The following BCKDHB variants were observed in gnomAD, a reference collection of about 807,000 sequenced individuals.
BCKDHB encodes branched chain keto acid dehydrogenase E1 subunit beta, also known as 2-oxoisovalerate dehydrogenase subunit beta, mitochondrial.
A neutral mutation model predicts 48.5 loss-of-function variants in BCKDHB; 41 were observed. The observed-to-expected ratio is 0.85, with a 90% CI of 0.66 to 1.10. The LOEUF is 1.10. Ranked by LOEUF, BCKDHB falls within the 50% of genes least tolerant of loss-of-function variation. BCKDHB has a pLI of 0.00. For missense variants in BCKDHB, 496 were observed against 494.2 expected (o/e 1.00, Z -0.03); for synonymous variants, 201 against 174.8 (o/e 1.15, Z -1.18).
intron 3 of BCKDHB, among the ~76,000 whole-genome samples, chr6:80,157,789 A>G (rs184280825): frequency 2.0e-5 from 3 of 152,008 alleles, no homozygotes; most frequent in East Asian, 3.9e-4. Context: ...AAGAATCTTT[A>G]TATTTGGGTG....
At chr6:80,139,329 T>TG (rs1343217267) in intron 3 of BCKDHB, among the ~76,000 whole-genome samples, 12 of 152,076 alleles carry the variant, frequency 7.9e-5, no homozygotes, top group Non-Finnish European at 1.5e-5. Flanking sequence ...TTGTCAATTT[T>TG]GTCTTTTGTT....
intron 9 of BCKDHB, among the ~76,000 whole-genome samples, chr6:80,336,638 C>A (rs542294971): frequency 3.4e-4 from 52 of 151,630 alleles, no homozygotes; most frequent in Non-Finnish European, 7.1e-4. Flanking sequence ...TTAATTTAGT[C>A]AAGATTATGA....
the BCKDHB span, among the ~76,000 whole-genome samples, chr6:80,453,545 C>T: frequency 6.6e-6 from 1 of 152,142 alleles, no homozygotes; most frequent in Non-Finnish European, 1.5e-5. Context: ...AAATATAGAA[C>T]AATTTTGTTG....
At chr6:80,406,531 T>C in the BCKDHB span, among the ~76,000 whole-genome samples, 3 of 152,220 alleles carry the variant, frequency 2.0e-5, no homozygotes, top group Admixed American at 2.0e-4. Context: ...TTTTCTAACT[T>C]TTTAGTGATC....
rs920895806 is a variant in BCKDHB, at chr6:80,186,680, A to G, written c.743-14254A>G. 7.2e-5 allele frequency among the ~76,000 whole-genome samples: 11 copies of G among 152,254 alleles called. No homozygotes were observed. In the South Asian group the frequency reaches 1.2e-3, roughly 17 times the overall value. On this transcript the variant is annotated intron_variant, in intron 6 of 9. Coordinates refer to ENST00000320393, the MANE Select transcript of BCKDHB (RefSeq NM_183050.4). Reference sequence around the variant, plus strand: ...TTCAGCTAGAAGCTTCTTTCATCCTATGGCCCCTCCCTAATTCCACTGGCT... The same window carrying G: ...TTCAGCTAGAAGCTTCTTTCATCCTGTGGCCCCTCCCTAATTCCACTGGCT...
chr6:80,428,714 GTTGT>G, the BCKDHB span, among the ~76,000 whole-genome samples: 41 of 152,244 alleles, frequency 2.7e-4, no homozygotes, highest in East Asian at 9.6e-4. Context: ...TTTTGATGGG[GTTGT>G]TTGTTTTTTT....
chr6:80,118,201 C>T (rs1372710162), intron 1 of BCKDHB, among the ~76,000 whole-genome samples: 1 of 152,076 alleles, frequency 6.6e-6, no homozygotes, highest in Non-Finnish European at 1.5e-5. Flanking sequence ...GGTTTGGCTC[C>T]AGACCACTAC....
intron 9 of BCKDHB, among the ~76,000 whole-genome samples, chr6:80,282,678 G>T (rs1766398083): frequency 6.6e-6 from 1 of 151,876 alleles, no homozygotes; most frequent in Non-Finnish European, 1.5e-5. Context: ...GCTCAATGTT[G>T]TGAAAAGAAA....
intron 9 of BCKDHB, among the ~76,000 whole-genome samples, chr6:80,279,386 C>T (rs1364268615): frequency 6.6e-6 from 1 of 152,092 alleles, no homozygotes; most frequent in Non-Finnish European, 1.5e-5. Context: ...GAACTCCTGA[C>T]CTCAAGTGAT....
At chr6:80,119,545 T>A (rs550764895) in intron 1 of BCKDHB, among the ~76,000 whole-genome samples, 12 of 152,278 alleles carry the variant, frequency 7.9e-5, no homozygotes, top group Admixed American at 7.2e-4. Context: ...GGTCTCGAAC[T>A]CCTGGCCTCA....
At chr6:80,168,093 A>G (rs1772667861) in intron 4 of BCKDHB, among the ~76,000 whole-genome samples, 1 of 152,042 alleles carries the variant, frequency 6.6e-6, no homozygotes, top group Admixed American at 6.6e-5. Context: ...CATCCTGGGC[A>G]ACATAATGAT....
chr6:80,301,861 C>T (rs1390634549), intron 9 of BCKDHB, among the ~76,000 whole-genome samples: 1 of 152,070 alleles, frequency 6.6e-6, no homozygotes, highest in Non-Finnish European at 1.5e-5. Flanking sequence ...CAATAAATGT[C>T]ATTCACCACA....
chr6:80,269,784 A>C (rs184791839), intron 8 of BCKDHB, among the ~76,000 whole-genome samples: 4 of 152,268 alleles, frequency 2.6e-5, no homozygotes, highest in African/African-American at 9.6e-5. Flanking sequence ...TTTTTAAATG[A>C]TTATTAGCAT....
chr6:80,152,923 G>C (rs1319152843), intron 3 of BCKDHB, among the ~76,000 whole-genome samples: 2 of 152,146 alleles, frequency 1.3e-5, no homozygotes, highest in Admixed American at 6.5e-5. Context: ...GGGCTTTTAA[G>C]TGGAGGCTTG....
At chr6:80,429,357 TG>T in the BCKDHB span, among the ~76,000 whole-genome samples, 44 of 152,306 alleles carry the variant, frequency 2.9e-4, no homozygotes, top group African/African-American at 1.0e-3. Flanking sequence ...CTATGCGAGC[TG>T]TTTTTTTGGT....
At position 80,175,582 on chromosome 6, in the gene BCKDHB, TAC is replaced by T. The variant is rs1160211879; in HGVS notation, c.742+4193_742+4194del. 5.8e-4 allele frequency among the ~76,000 whole-genome samples: 89 copies of T among 152,334 alleles called. 1 individual carries two copies. In the East Asian group the frequency reaches 0.016, roughly 27 times the overall value. ...ATTGGCAAAAATTTGAAGAAAATGTTACTGGTCATTGCAGTGCCCTTTAAACG... is the reference window on the plus strand; with the variant it reads ...ATTGGCAAAAATTTGAAGAAAATGTTTGGTCATTGCAGTGCCCTTTAAACG... On this transcript the variant is annotated intron_variant, in intron 6 of 9. Transcript: ENST00000320393.
intron 1 of BCKDHB, among the ~76,000 whole-genome samples, chr6:80,121,379 G>A (rs922374460): frequency 5.3e-5 from 8 of 152,268 alleles, no homozygotes; most frequent in East Asian, 1.9e-4. Flanking sequence ...CTTTAAAGTA[G>A]TTTTTTCCAA....
the BCKDHB span, among the ~76,000 whole-genome samples, chr6:80,354,478 C>T: frequency 6.6e-6 from 1 of 152,190 alleles, no homozygotes; most frequent in East Asian, 1.9e-4. Context: ...GTCCACCTGC[C>T]TTGGCCTCCC....
chr6:80,107,853 A>G (rs181859711), intron 1 of BCKDHB, among the ~76,000 whole-genome samples: 1 of 152,126 alleles, frequency 6.6e-6, no homozygotes, highest in African/African-American at 2.4e-5. Context: ...AATGTCTCTC[A>G]TCAGAATATC....
Sources: allele counts gnomAD v4.1 joint callset (sites outside exome capture counted in the v4.1 genomes callset), GRCh38; gene constraint gnomAD v4.1.1; transcripts MANE v1.5; gene names NCBI Gene and HGNC (gene_info 2026-07-23, HGNC 2026-07-21).